CERS6: variants seen among roughly 807,000 people sequenced by gnomAD.
CERS6 encodes the protein LAG1 homolog, ceramide synthase 6.
Under a neutral mutation model 56.8 loss-of-function variants are expected in CERS6, and 26 were observed. The ratio of observed to expected loss-of-function variants is 0.46; its 90% CI spans 0.34 to 0.63. The LOEUF (loss-of-function observed/expected upper bound fraction) is 0.63, where lower values mean the gene tolerates loss of function less well. Among genes scored for constraint, CERS6 ranks in the 30% least tolerant of loss-of-function variants. The pLI is 0.01. For missense variants in CERS6, 415 were observed against 467.5 expected, an observed-to-expected ratio of 0.89 and a Z score of 1.04; for synonymous variants, 164 against 173.3, an observed-to-expected ratio of 0.95 and a Z score of 0.42.
At chr2:168,489,705 A>G (rs1280952888) in intron 1 of CERS6, among the ~76,000 whole-genome samples, 2 of 152,058 alleles carry the variant, frequency 1.3e-5, no homozygotes, top group Non-Finnish European at 2.9e-5. Flanking sequence ...TTTTATTTCC[A>G]CAATATGCAC....
intron 4 of CERS6, among the ~76,000 whole-genome samples, chr2:168,673,206 T>C (rs1053030007): frequency 1.3e-5 from 2 of 152,248 alleles, no homozygotes; most frequent in African/African-American, 4.8e-5. Context: ...AAACATAATA[T>C]AAAACTTTAG....
intron 4 of CERS6, among the ~76,000 whole-genome samples, chr2:168,679,644 C>T (rs761862463): frequency 2.0e-5 from 3 of 152,154 alleles, no homozygotes; most frequent in Non-Finnish European, 4.4e-5. Flanking sequence ...GAGATTAGTA[C>T]CTCGCTCACA....
intron 8 of CERS6, among the ~76,000 whole-genome samples, chr2:168,723,101 G>C (rs1010272871): frequency 1.3e-5 from 2 of 152,192 alleles, no homozygotes; most frequent in African/African-American, 4.8e-5. Flanking sequence ...ACTGCCCACA[G>C]CCTCACCACA....
In CERS6 at chr2:168,703,189, G is replaced by A. The variant is rs185771551; in HGVS notation, c.609+8138G>A. Among the ~76,000 whole-genome samples the A allele has an allele frequency of 2.3e-3, 347 of 152,200 alleles. 3 individuals are homozygous for A. Among genetic ancestry groups the A allele is most frequent in the Admixed American group, 3.7e-3 (57 of 15,278 alleles). ...CATAAACAAATACTCTTTGGTGTTC[G>A]CAATAATTTTTGAAGAGGAGACCAA... On this transcript the variant is annotated intron_variant, in intron 6 of 9. Coordinates refer to ENST00000305747, the MANE Select transcript of CERS6 (RefSeq NM_203463.3).
chr2:168,721,943 C>T lies in CERS6; in HGVS notation c.845+3965C>T, dbSNP rs1250269545. Among the ~76,000 whole-genome samples, 8 of 152,140 alleles carry T rather than the reference C, an allele frequency of 5.3e-5. No individual in the cohort carries two copies. The South Asian group carries it at 1.7e-3, about 32-fold the overall frequency. Reference sequence around the variant, plus strand: ...CCCACCACACTCTTTTACAGAGTTGCAGCACTATTTTACATCTGACCAGCA... The same window carrying T: ...CCCACCACACTCTTTTACAGAGTTGTAGCACTATTTTACATCTGACCAGCA... On this transcript the variant is annotated intron_variant, in intron 8 of 9. Coordinates refer to ENST00000305747, the MANE Select transcript of CERS6 (RefSeq NM_203463.3).
At chr2:168,627,877 G>A (rs1487830599) in intron 3 of CERS6, among the ~76,000 whole-genome samples, 2 of 151,628 alleles carry the variant, frequency 1.3e-5, no homozygotes, top group Non-Finnish European at 2.9e-5. Flanking sequence ...CTGGCCTTAT[G>A]GGGGTGTTTA....
At chr2:168,478,196 T>A (rs990018464) in intron 1 of CERS6, among the ~76,000 whole-genome samples, 3 of 152,100 alleles carry the variant, frequency 2.0e-5, no homozygotes, top group Non-Finnish European at 4.4e-5. Flanking sequence ...TGCTTGATGG[T>A]TATAAGCCTG....
chr2:168,616,077 A>G (rs1471575265), intron 3 of CERS6, among the ~76,000 whole-genome samples: 2 of 152,200 alleles, frequency 1.3e-5, no homozygotes, highest in African/African-American at 2.4e-5. Context: ...AGCTTCCTCA[A>G]ACAAAACAAT....
chr2:168,663,396 A>G (rs1403315992), intron 4 of CERS6, among the ~76,000 whole-genome samples: 1 of 152,126 alleles, frequency 6.6e-6, no homozygotes, highest in Non-Finnish European at 1.5e-5. Context: ...TGCAGAATTT[A>G]AAAAAACTAT....
chr2:168,565,757 T>A (rs1695873246), intron 3 of CERS6, among the ~76,000 whole-genome samples: 1 of 152,210 alleles, frequency 6.6e-6, no homozygotes, highest in South Asian at 2.1e-4. Flanking sequence ...TTGAAGTCAG[T>A]CATTCACAGT....
At chr2:168,652,896 C>T (rs1278001624) in intron 4 of CERS6, among the ~76,000 whole-genome samples, 1 of 152,144 alleles carries the variant, frequency 6.6e-6, no homozygotes, top group African/African-American at 2.4e-5. Flanking sequence ...AATGAAGAGT[C>T]ATGTTGAAGA....
rs1695978481 is a variant in CERS6 at position 168,571,154 on chromosome 2, CGTCTGGCTT to C, written c.407+9834_407+9842del. On this transcript the variant is annotated intron_variant, in intron 3 of 9. Coordinates refer to ENST00000305747, the MANE Select transcript of CERS6 (RefSeq NM_203463.3). ...CTCTGTTACTTCCTCTTGGGAATCC[CGTCTGGCTT>C]GCCCTCTCTTGCTCTCCTTCTCTTT... 2.6e-5 allele frequency among the ~76,000 whole-genome samples: 4 copies of C among 152,206 alleles called. No homozygotes were observed. In the South Asian group the frequency reaches 8.3e-4, roughly 32 times the overall value.
chr2:168,536,415 T>A (rs1325607701), intron 1 of CERS6, among the ~76,000 whole-genome samples: 1 of 152,162 alleles, frequency 6.6e-6, no homozygotes, highest in Non-Finnish European at 1.5e-5. Flanking sequence ...TTTAATAAAA[T>A]AAATAAACCT....
intron 1 of CERS6, among the ~76,000 whole-genome samples, chr2:168,506,920 T>A (rs559287104): frequency 6.6e-6 from 1 of 152,222 alleles, no homozygotes; most frequent in African/African-American, 2.4e-5. Flanking sequence ...GATTAATTTT[T>A]AAAATGATTT....
intron 1 of CERS6, among the ~76,000 whole-genome samples, chr2:168,472,385 G>A (rs1481837964): frequency 6.6e-6 from 1 of 152,120 alleles, no homozygotes; most frequent in Non-Finnish European, 1.5e-5. Flanking sequence ...AAGAGGAAAG[G>A]CCTAATTTAT....
chr2:168,724,460 G>C (rs1019247879), intron 8 of CERS6, among the ~76,000 whole-genome samples: 2 of 152,070 alleles, frequency 1.3e-5, no homozygotes, highest in African/African-American at 4.8e-5. Flanking sequence ...CTCTTATCTG[G>C]CCCCACCCAC....
At chr2:168,734,597 G>T (rs1354488432) in intron 8 of CERS6, among the ~76,000 whole-genome samples, 1 of 152,144 alleles carries the variant, frequency 6.6e-6, no homozygotes, top group Non-Finnish European at 1.5e-5. Context: ...GCTGTATTTG[G>T]CCATCTATCA....
chr2:168,582,991 T>A, intron 3 of CERS6: 1 of 154,214 alleles, frequency 6.5e-6, no homozygotes, highest in Middle Eastern at 6.0e-4. Context: ...AACAGACAAT[T>A]GCCTAACATG....
chr2:168,530,336 C>G (rs1695143933), intron 1 of CERS6, among the ~76,000 whole-genome samples: 1 of 152,222 alleles, frequency 6.6e-6, no homozygotes, highest in Non-Finnish European at 1.5e-5. Flanking sequence ...AGAGAAGATA[C>G]TGCCTTACTC....
Sources: allele counts gnomAD v4.1 joint callset (sites outside exome capture counted in the v4.1 genomes callset), GRCh38; gene constraint gnomAD v4.1.1; transcripts MANE v1.5; gene names NCBI Gene and HGNC (gene_info 2026-07-23, HGNC 2026-07-21).